The following PLCXD3 variants were observed in gnomAD, a reference collection of about 807,000 sequenced individuals.
PLCXD3 encodes the protein phosphatidylinositol specific phospholipase C X domain containing 3.
A neutral mutation model predicts 25.5 loss-of-function variants in PLCXD3; 19 were observed. The ratio of observed to expected loss-of-function variants is 0.75; its 90% confidence interval spans 0.52 to 1.09. The LOEUF (loss-of-function observed/expected upper bound fraction) is 1.09. Ranked by LOEUF, PLCXD3 falls within the 50% of genes least tolerant of loss-of-function variation. The probability of loss-of-function intolerance (pLI) is 0.00; values close to 1 mark genes in which losing one functional copy is unlikely to be tolerated. For synonymous variants in PLCXD3, 174 were observed against 137.6 expected, an observed-to-expected ratio of 1.26 and a Z score of -1.85; for missense variants, 411 against 388.1, an observed-to-expected ratio of 1.06 and a Z score of -0.50.
At chr5:41,368,254 C>T (rs1032908281) in intron 2 of PLCXD3, among the ~76,000 whole-genome samples, 6 of 151,952 alleles carry the variant, frequency 3.9e-5, no homozygotes, top group African/African-American at 1.5e-4. Context: ...TAATTTGGTT[C>T]TATATTTGGT....
chr5:41,348,598 T>C (rs1744366524), intron 2 of PLCXD3, among the ~76,000 whole-genome samples: 1 of 152,226 alleles, frequency 6.6e-6, no homozygotes, highest in Non-Finnish European at 1.5e-5. Flanking sequence ...ATCACCATCA[T>C]ATAAGATGAC....
Position 41,479,816 on chromosome 5 carries a change from G to GCAAAT in PLCXD3, c.103+30603_103+30607dup, listed in dbSNP as rs199769632. ...TTAATCACGGTATTACCTCAAAGAG[G>GCAAAT]CAAATTCTATATTTTAGAAAAGAAC... On this transcript the variant is annotated intron_variant, in intron 1 of 2. Transcript: ENST00000377801. Among the ~76,000 whole-genome samples the GCAAAT allele has an allele frequency of 3.3e-3, 497 of 151,836 alleles. 16 individuals carry two copies. The East Asian group carries it at 0.07, about 22-fold the overall frequency.
At chr5:41,413,335 AC>A (rs1746610687) in intron 1 of PLCXD3, among the ~76,000 whole-genome samples, 1 of 152,196 alleles carries the variant, frequency 6.6e-6, no homozygotes. Context: ...AAATATTAGA[AC>A]CATTTTGTTT....
intron 2 of PLCXD3, among the ~76,000 whole-genome samples, chr5:41,317,309 G>A (rs1743329934): frequency 6.6e-6 from 1 of 152,226 alleles, no homozygotes; most frequent in Admixed American, 6.5e-5. Flanking sequence ...TACTGGTCTT[G>A]GGGTGCCCCC....
At chr5:41,316,278 T>C (rs546717201) in intron 2 of PLCXD3, among the ~76,000 whole-genome samples, 1 of 152,240 alleles carries the variant, frequency 6.6e-6, no homozygotes, top group African/African-American at 2.4e-5. Flanking sequence ...ACCTGCTGCC[T>C]TGAAGAAAAG....
intron 1 of PLCXD3, among the ~76,000 whole-genome samples, chr5:41,426,290 A>C (rs561124351): frequency 2.6e-5 from 4 of 151,840 alleles, no homozygotes; most frequent in African/African-American, 9.6e-5. Context: ...CATTTATTTT[A>C]ATAGAGTTGT....
intron 1 of PLCXD3, among the ~76,000 whole-genome samples, chr5:41,467,266 T>G (rs1748039831): frequency 6.6e-6 from 1 of 152,186 alleles, no homozygotes; most frequent in East Asian, 1.9e-4. Context: ...TGACGTGATA[T>G]GTCAATGAGG....
intron 2 of PLCXD3, among the ~76,000 whole-genome samples, chr5:41,331,285 A>G (rs1314863157): frequency 6.6e-6 from 1 of 152,172 alleles, no homozygotes; most frequent in Non-Finnish European, 1.5e-5. Context: ...AATCACAAGC[A>G]TTCTTATACA....
chr5:41,397,244 G>A (rs1746035335), intron 1 of PLCXD3, among the ~76,000 whole-genome samples: 1 of 152,124 alleles, frequency 6.6e-6, no homozygotes, highest in South Asian at 2.1e-4. Context: ...GCCAGGCACA[G>A]GGCCTTGCTG....
intron 1 of PLCXD3, among the ~76,000 whole-genome samples, chr5:41,394,118 T>G (rs1166424626): frequency 6.6e-6 from 1 of 151,984 alleles, no homozygotes; most frequent in East Asian, 1.9e-4. Context: ...AAAATATAAA[T>G]AGAAACAACA....
chr5:41,340,334 A>C (rs2150477470), intron 2 of PLCXD3, among the ~76,000 whole-genome samples: 1 of 152,320 alleles, frequency 6.6e-6, no homozygotes, highest in Middle Eastern at 3.4e-3. Context: ...TGAAATATCA[A>C]AATTATCCTA....
At position 41,510,601 on chromosome 5, in the gene PLCXD3, T is replaced by A; in HGVS notation, c.-75A>T. The A allele has an allele frequency of 1.7e-6, 2 of 1,168,936 alleles. No homozygotes were observed. The allele number at this position is 1,168,936 out of a possible 1,614,324, so 72.4% of individuals were successfully genotyped here. A position where few individuals can be genotyped will look rare whatever the true frequency, so the allele number is the denominator to read the frequency against. On this transcript the variant is annotated 5_prime_UTR_variant, in exon 1 of 3. Transcript: ENST00000377801. Reference sequence around the variant, plus strand: ...TGGCAGGCTGCTGCCGCTAATCCAATGTTTGCTCTAGCCCCGCTAGAGTTT... The same window carrying A: ...TGGCAGGCTGCTGCCGCTAATCCAAAGTTTGCTCTAGCCCCGCTAGAGTTT...
At chr5:41,365,735 G>A (rs1744915219) in intron 2 of PLCXD3, among the ~76,000 whole-genome samples, 1 of 151,964 alleles carries the variant, frequency 6.6e-6, no homozygotes, top group Admixed American at 6.6e-5. Flanking sequence ...AGTATCAAGC[G>A]GATTATATTA....
At chr5:41,497,441 ATT>A (rs1161295842) in intron 1 of PLCXD3, among the ~76,000 whole-genome samples, 4 of 151,936 alleles carry the variant, frequency 2.6e-5, no homozygotes, top group Admixed American at 1.3e-4. Context: ...AAAGAAGGGC[ATT>A]ATATGATGAT....
At chr5:41,508,184 T>C (rs908262343) in intron 1 of PLCXD3, among the ~76,000 whole-genome samples, 3 of 152,214 alleles carry the variant, frequency 2.0e-5, no homozygotes, top group Admixed American at 6.5e-5. Context: ...TAAATTCCCA[T>C]GGAAGCCCAA....
chr5:41,490,222 T>C (rs896272953), intron 1 of PLCXD3, among the ~76,000 whole-genome samples: 38 of 152,358 alleles, frequency 2.5e-4, no homozygotes, highest in African/African-American at 9.1e-4. Context: ...GTTCTGTTTA[T>C]ATGCTGGATT....
intron 1 of PLCXD3, among the ~76,000 whole-genome samples, chr5:41,400,984 C>T (rs933359216): frequency 7.9e-6 from 1 of 126,476 alleles, no homozygotes; most frequent in Non-Finnish European, 1.7e-5. Context: ...ATTATGTACA[C>T]ATGAAAATTT....
At chr5:41,473,664 G>A (rs1748220175) in intron 1 of PLCXD3, among the ~76,000 whole-genome samples, 1 of 151,942 alleles carries the variant, frequency 6.6e-6, no homozygotes, top group South Asian at 2.1e-4. Flanking sequence ...CACCATGTTG[G>A]CCAGGATGGT....
chr5:41,393,311 A>C (rs1023155251), intron 1 of PLCXD3, among the ~76,000 whole-genome samples: 2 of 152,174 alleles, frequency 1.3e-5, no homozygotes, highest in Admixed American at 6.5e-5. Flanking sequence ...GGATCCTAAA[A>C]GTACCAAGAA....
Sources: gnomAD v4.1 joint callset for allele counts (sites outside exome capture counted in the v4.1 genomes callset) on GRCh38, gnomAD v4.1.1 for gene constraint, MANE v1.5 for transcripts, NCBI Gene and HGNC (gene_info 2026-07-23, HGNC 2026-07-21) for gene names.